Variants in SF3B1 observed in about 807,000 individuals in gnomAD.
SF3B1 encodes splicing factor 3b subunit 1, also known as pre-mRNA processing 10.
In SF3B1, 12 loss-of-function variants were observed where a neutral mutation model predicts 153.8. The observed-to-expected ratio is 0.08, with a 90% CI of 0.05 to 0.13. The LOEUF (loss-of-function observed/expected upper bound fraction) is 0.13, where lower values mean the gene tolerates loss of function less well. SF3B1 is among the 10% of genes least tolerant of loss of function. The pLI is 1.00. For synonymous variants in SF3B1, 498 were observed against 525.2 expected, an observed-to-expected ratio of 0.95 and a Z score of 0.71; for missense variants, 513 against 1,606.1, an observed-to-expected ratio of 0.32 and a Z score of 11.63.
At chr2:197,417,401 A>G (rs2085164090) in intron 5 of SF3B1, among the ~76,000 whole-genome samples, 1 of 152,134 alleles carries the variant, frequency 6.6e-6, no homozygotes, top group Admixed American at 6.6e-5. Flanking sequence ...TTACCATCCC[A>G]TTTAACTCAT....
intron 11 of SF3B1, among the ~76,000 whole-genome samples, chr2:197,404,560 G>A (rs892887158): frequency 6.6e-6 from 1 of 151,892 alleles, no homozygotes; most frequent in South Asian, 2.1e-4. Flanking sequence ...CTGGGCAAGA[G>A]AGCAAGACCC....
Position 197,390,968 on chromosome 2 carries a change from CAGT to C in SF3B1, c.*1332_*1334del, listed in dbSNP as rs2084804729. 6.6e-6 allele frequency: 1 copy of C among 152,120 alleles called. No homozygotes were observed. Among genetic ancestry groups the C allele is most frequent in the Admixed American group, 6.5e-5 (1 of 15,272 alleles). 9.4% of individuals were successfully genotyped at this position (152,120 alleles called of 1,614,324 possible). On this transcript the variant is annotated 3_prime_UTR_variant, in exon 25 of 25. Coordinates refer to ENST00000335508, the MANE Select transcript of SF3B1 (RefSeq NM_012433.4). ...AAGTGTCAATAGGCAGTTTTACTTA[CAGT>C]AGTAGTTATATACTAATGCTGCTTG... is the stretch of plus-strand genomic sequence containing the variant.
intron 6 of SF3B1, among the ~76,000 whole-genome samples, chr2:197,416,073 C>A (rs765356495): frequency 6.6e-6 from 1 of 150,430 alleles, no homozygotes; most frequent in Admixed American, 6.7e-5. Flanking sequence ...CCCACCTGGA[C>A]CCCCAAAGTG....
intron 12 of SF3B1, 133 bp from the exon 13 acceptor site, chr2:197,403,168 GAATTTT>G (rs1304180667): frequency 1.5e-6 from 1 of 688,022 alleles, no homozygotes; most frequent in Non-Finnish European, 2.5e-6. Context: ...AACTGTTTAA[GAATTTT>G]AATTATACAA....
intron 23 of SF3B1, among the ~76,000 whole-genome samples, chr2:197,394,154 A>C (rs948887405): frequency 4.6e-5 from 7 of 152,078 alleles, no homozygotes; most frequent in Non-Finnish European, 1.0e-4. Context: ...ACTGCACTCC[A>C]GCCTAGGCAA....
At chr2:197,411,393 G>A (rs550209968) in intron 6 of SF3B1, among the ~76,000 whole-genome samples, 4 of 151,330 alleles carry the variant, frequency 2.6e-5, no homozygotes, top group African/African-American at 9.7e-5. Flanking sequence ...GGAGCTCTTG[G>A]CCGGGTGCGG....
chr2:197,415,045 A>G (rs2085127013), intron 6 of SF3B1, among the ~76,000 whole-genome samples: 1 of 151,716 alleles, frequency 6.6e-6, no homozygotes, highest in Non-Finnish European at 1.5e-5. Context: ...CTAAAAAGAT[A>G]TAGAAACAGG....
In SF3B1 at chr2:197,400,134, C is replaced by T; in HGVS notation, c.2934G>A (p.Leu978=). The stretch of plus-strand genomic sequence containing the variant: ...GGTACTCTTCACCCAAATACTCATA[C>T]AATACAACACCCAAGTGTCCCATCA... ...EKLMGHLGVV[L]YEYLGEEYPE... Residue 978 remains leucine (L), a synonymous_variant, in exon 20 of 25, where the codon TTG becomes TTA. Coordinates refer to ENST00000335508, the MANE Select transcript of SF3B1 (RefSeq NM_012433.4). This position sits in a 1 kb window ranked among gnomAD's most constrained non-coding sequence, Gnocchi z 5.0. 2 of 1,613,804 alleles carry T rather than the reference C, an allele frequency of 1.2e-6. No individual in the cohort carries two copies. Among genetic ancestry groups the T allele is most frequent in the Non-Finnish European group, 1.7e-6 (2 of 1,179,782 alleles).
intron 23 of SF3B1, among the ~76,000 whole-genome samples, chr2:197,393,978 G>C (rs1045024151): frequency 5.3e-5 from 8 of 152,060 alleles, no homozygotes; most frequent in African/African-American, 1.9e-4. Context: ...GAGGTCAGGA[G>C]GTCAAGACCA....
At position 197,390,973 on chromosome 2, in the gene SF3B1, GTAGT is replaced by G. The variant is rs1178234155; in HGVS notation, c.*1326_*1329del. 1 of 152,174 alleles carries G rather than the reference GTAGT, an allele frequency of 6.6e-6. No homozygotes were observed. The highest frequency in any genetic ancestry group is 1.5e-5 in the Non-Finnish European group (1 of 68,028). The allele number at this position is 152,174 out of a possible 1,614,324, so 9.4% of individuals were successfully genotyped here. On this transcript the variant is annotated 3_prime_UTR_variant, in exon 25 of 25. Transcript: ENST00000335508. ...TCAATAGGCAGTTTTACTTACAGTA[GTAGT>G]TATATACTAATGCTGCTTGCAGAAT...
At chr2:197,407,392 G>A (rs1337389803) in intron 9 of SF3B1, among the ~76,000 whole-genome samples, 2 of 152,096 alleles carry the variant, frequency 1.3e-5, no homozygotes, top group African/African-American at 4.8e-5. Context: ...ATCACTTGAG[G>A]TCAGGAGTTC....
intron 23 of SF3B1, among the ~76,000 whole-genome samples, chr2:197,394,219 G>A (rs1368979042): frequency 2.0e-5 from 3 of 151,898 alleles, no homozygotes; most frequent in Non-Finnish European, 4.4e-5. Flanking sequence ...CTTTTTTATT[G>A]TTATTGTTAG....
Position 197,420,456 on chromosome 2 carries a change from G to A in SF3B1, c.387C>T (p.Ser129=), listed in dbSNP as rs1202883604. 1.9e-6 allele frequency: 3 copies of A among 1,613,298 alleles called. No individual in the cohort carries two copies. The highest frequency in any genetic ancestry group is 1.7e-6 in the Non-Finnish European group (2 of 1,179,402). ...YKKHRRTMII[S]PERLDPFADG... is the part of the protein sequence containing the mutation. The stretch of plus-strand genomic sequence containing the variant: ...CTGCAAAAGGATCAAGACGCTCTGG[G>A]GAAATTATCATGGTCCGCCTATGCT... The change falls in exon 4 of 25, where the codon TCC becomes TCT. Residue 129 remains serine, a synonymous_variant. Coordinates refer to ENST00000335508, the MANE Select transcript of SF3B1 (RefSeq NM_012433.4).
Position 197,392,472 on chromosome 2 carries a change from T to G in SF3B1, c.3757-11A>C, listed in dbSNP as rs1661721482. 7.5e-7 allele frequency: 1 copy of G among 1,329,880 alleles called. No homozygotes were observed. The highest frequency in any genetic ancestry group is 2.4e-5 in the East Asian group (1 of 41,596). The allele number at this position is 1,329,880 out of a possible 1,614,324, so 82.4% of individuals were successfully genotyped here. A position where few individuals can be genotyped will look rare whatever the true frequency, so the allele number is the denominator to read the frequency against. The stretch of plus-strand genomic sequence containing the variant: ...TGGGTGAAACAGACCCTAAAATAAT[T>G]GAACGGTTACATTATTTCAATTTTT... On this transcript the variant is annotated splice_polypyrimidine_tract_variant and intron_variant, in intron 24 of 24. Coordinates refer to ENST00000335508, the MANE Select transcript of SF3B1 (RefSeq NM_012433.4).
intron 4 of SF3B1, chr2:197,419,577 A>T (rs559321669): frequency 8.9e-6 from 2 of 223,508 alleles, no homozygotes; most frequent in African/African-American, 4.5e-5. Context: ...TTTTCACCAT[A>T]ATCTAGAGAG....
At chr2:197,423,659 C>T (rs973901264) in intron 2 of SF3B1, 149 bp downstream of exon 2, 1 of 701,136 alleles carries the variant, frequency 1.4e-6, no homozygotes, top group Non-Finnish European at 2.3e-6. Flanking sequence ...AGTTTCTGAA[C>T]CTTAGAGAGG....
chr2:197,399,542 T>G (rs1301539968), intron 20 of SF3B1, among the ~76,000 whole-genome samples: 1 of 152,180 alleles, frequency 6.6e-6, no homozygotes, highest in Admixed American at 6.5e-5. Context: ...GAAAACTGAA[T>G]GGACAGTATT....
chr2:197,396,462 C>CT (rs2084875283), intron 22 of SF3B1, 134 bp from the exon 23 acceptor site: 1 of 685,086 alleles, frequency 1.5e-6, no homozygotes, highest in Admixed American at 3.1e-5. Context: ...AAATGCAATA[C>CT]TTTCAAGTCA....
At position 197,413,814 on chromosome 2, in the gene SF3B1, G is replaced by T. The variant is rs573154308; in HGVS notation, c.666+2927C>A. 7.1e-3 allele frequency among the ~76,000 whole-genome samples: 1,034 copies of T among 145,762 alleles called. 12 individuals are homozygous for T. Among genetic ancestry groups the T allele is most frequent in the South Asian group, 0.031 (145 of 4,632 alleles). ...GTTATTGTTGTTCTTGTTTTGTTTT[G>T]TTTTTTTTTTTGAGACAGAGTCTCG... is the stretch of plus-strand genomic sequence containing the variant. On this transcript the variant is annotated intron_variant, in intron 6 of 24. Transcript: ENST00000335508.
Sources: gnomAD v4.1 joint callset for allele counts (sites outside exome capture counted in the v4.1 genomes callset) on GRCh38, gnomAD v4.1.1 for gene constraint, Gnocchi (gnomAD v3.1) non-coding constraint, MANE v1.5 for transcripts, NCBI Gene and HGNC (gene_info 2026-07-23, HGNC 2026-07-21) for gene names.